The following KIAA1586 variants were observed in gnomAD, a reference collection of about 807,000 sequenced individuals.
KIAA1586 encodes the protein KIAA1586.
A neutral mutation model predicts 6.1 loss-of-function variants in KIAA1586; 5 were observed. The ratio of observed to expected loss-of-function variants is 0.82; its 90% CI spans 0.43 to 1.73. The LOEUF is 1.73. Ranked by LOEUF, KIAA1586 falls within the 40% of genes most tolerant of loss-of-function variation. The pLI, the probability that KIAA1586 is intolerant of heterozygous loss-of-function variation, is 0.02. For missense variants in KIAA1586, 899 were observed against 878.2 expected (o/e 1.02, Z -0.30); for synonymous variants, 280 against 301.7 (o/e 0.93, Z 0.75).
chr6:57,064,633 G>T, the KIAA1586 span, among the ~76,000 whole-genome samples: 4 of 152,178 alleles, frequency 2.6e-5, no homozygotes, highest in African/African-American at 7.2e-5. Context: ...GAGTTTCCTG[G>T]ACCAGCAGTT....
At position 57,055,096 on chromosome 6, in the gene KIAA1586, C is replaced by T. The variant is rs1365509223; in HGVS notation, c.*233C>T. On this transcript the variant is annotated 3_prime_UTR_variant, in exon 4 of 4. Coordinates refer to ENST00000370733, the MANE Select transcript of KIAA1586 (RefSeq NM_020931.4). ...AATACATATTCCATGAAGTTCTGTA[C>T]AGAACAAACACCGTTTATAATTTTG... The T allele has an allele frequency of 8.9e-6, 3 of 337,616 alleles. 1 individual carries two copies. Among genetic ancestry groups the T allele is most frequent in the Non-Finnish European group, 1.6e-5 (3 of 187,680 alleles). 20.9% of individuals were successfully genotyped at this position (337,616 alleles called of 1,614,324 possible).
chr6:57,061,118 C>T, the KIAA1586 span, among the ~76,000 whole-genome samples: 3 of 151,930 alleles, frequency 2.0e-5, no homozygotes, highest in Admixed American at 1.3e-4. Context: ...GCTGGGATTA[C>T]AGGCACGTGC....
intron 1 of KIAA1586, 77 bp from the exon 2 acceptor site, chr6:57,047,236 A>G: frequency 2.9e-5 from 1 of 34,438 alleles, no homozygotes; most frequent in South Asian, 2.2e-4. Flanking sequence ...TCTGTCTTTA[A>G]TTGTTCCTTT....
In KIAA1586 at chr6:57,054,023, T is replaced by C. The variant is rs1305556349; in HGVS notation, c.1524T>C (p.His508=). Residue 508 remains histidine (H), a synonymous_variant, in exon 4 of 4, where the codon CAT becomes CAC. Transcript: ENST00000370733. The part of the protein sequence containing the change: ...AYPILYMHFS[H]SYSGLAKRLA... ...CTATATTATATATGCATTTTTCTCA[T>C]TCTTACTCTGGTTTGGCGAAGAGAT... 6.2e-7 allele frequency: 1 copy of C among 1,610,504 alleles called. No individual in the cohort carries two copies. The highest frequency in any genetic ancestry group is 8.5e-7 in the Non-Finnish European group (1 of 1,178,526).
At chr6:57,052,183 G>T (rs1473541836) in intron 3 of KIAA1586, among the ~76,000 whole-genome samples, 3 of 152,088 alleles carry the variant, frequency 2.0e-5, no homozygotes, top group Admixed American at 1.3e-4. Flanking sequence ...CCCAACTGTA[G>T]ATGGAAAATA....
downstream of KIAA1586, among the ~76,000 whole-genome samples, chr6:57,056,246 A>G (rs1424110195): frequency 1.3e-5 from 2 of 150,508 alleles, no homozygotes; most frequent in Non-Finnish European, 2.9e-5. Context: ...GTCTTGTGTC[A>G]CCCAGGCTGG....
At chr6:57,051,996 C>T (rs914574568) in intron 3 of KIAA1586, among the ~76,000 whole-genome samples, 1 of 152,064 alleles carries the variant, frequency 6.6e-6, no homozygotes, top group Non-Finnish European at 1.5e-5. Context: ...TTTTTTTAAA[C>T]TCTTCATTAG....
chr6:57,051,402 G>A (rs1828321877), intron 3 of KIAA1586, among the ~76,000 whole-genome samples: 1 of 151,510 alleles, frequency 6.6e-6, no homozygotes, highest in South Asian at 2.1e-4. Flanking sequence ...GTGCACTTGA[G>A]GTTATTTGCA....
chr6:57,056,751 T>G (rs1408417881), downstream of KIAA1586, among the ~76,000 whole-genome samples: 3 of 151,868 alleles, frequency 2.0e-5, no homozygotes, highest in Non-Finnish European at 4.4e-5. Context: ...TTGCCCAGGT[T>G]GGTATTGGAC....
chr6:57,061,936 CTT>C, the KIAA1586 span, among the ~76,000 whole-genome samples: 11 of 136,536 alleles, frequency 8.1e-5, no homozygotes, highest in Admixed American at 1.5e-4. Context: ...CCTAGGTTTT[CTT>C]TTTTTTTTTT....
the KIAA1586 span, among the ~76,000 whole-genome samples, chr6:57,063,920 A>G: frequency 6.6e-6 from 1 of 152,168 alleles, no homozygotes; most frequent in South Asian, 2.1e-4. Context: ...TATTATATGT[A>G]CCTGAAACAA....
intron 3 of KIAA1586, among the ~76,000 whole-genome samples, chr6:57,052,220 A>G (rs951223232): frequency 1.3e-5 from 2 of 152,208 alleles, no homozygotes; most frequent in African/African-American, 4.8e-5. Context: ...AAATACAATA[A>G]TAAACACATT....
chr6:57,065,826 GT>G, the KIAA1586 span, among the ~76,000 whole-genome samples: 544 of 152,190 alleles, frequency 3.6e-3, 3 homozygotes, highest in East Asian at 0.024. Flanking sequence ...CTCCTCTGTA[GT>G]TTTTATCTTT....
At chr6:57,063,376 A>AAATCACAT in the KIAA1586 span, among the ~76,000 whole-genome samples, 2 of 152,100 alleles carry the variant, frequency 1.3e-5, no homozygotes, top group Non-Finnish European at 2.9e-5. Context: ...AGTATTTTTA[A>AAATCACAT]AATCACATGA....
At chr6:57,057,211 G>A (rs1339427791), downstream of KIAA1586, among the ~76,000 whole-genome samples, 2 of 151,078 alleles carry the variant, frequency 1.3e-5, no homozygotes, top group Non-Finnish European at 2.9e-5. Flanking sequence ...CTGGGCGACA[G>A]AGCGAGACTT....
At chr6:57,057,475 AG>A (rs1284655645), downstream of KIAA1586, among the ~76,000 whole-genome samples, 8 of 152,066 alleles carry the variant, frequency 5.3e-5, no homozygotes, top group Non-Finnish European at 7.4e-5. Context: ...ATTTATGGCC[AG>A]GTGCAGTGGT....
chr6:57,051,939 A>T (rs1247589792), intron 3 of KIAA1586, among the ~76,000 whole-genome samples: 1 of 152,124 alleles, frequency 6.6e-6, no homozygotes, highest in East Asian at 1.9e-4. Context: ...GCGCCACTGC[A>T]CTCCAGCTTG....
At chr6:57,063,850 G>A in the KIAA1586 span, among the ~76,000 whole-genome samples, 3 of 152,072 alleles carry the variant, frequency 2.0e-5, no homozygotes, top group East Asian at 1.9e-4. Flanking sequence ...CAAATATTTC[G>A]AGTACTATAA....
chr6:57,056,691 C>G (rs554256731), downstream of KIAA1586, among the ~76,000 whole-genome samples: 1 of 151,798 alleles, frequency 6.6e-6, no homozygotes, highest in Non-Finnish European at 1.5e-5. Context: ...TACATGCCAC[C>G]ACACCCAGCT....
Sources: gnomAD v4.1 joint callset for allele counts (sites outside exome capture counted in the v4.1 genomes callset) on GRCh38, gnomAD v4.1.1 for gene constraint, MANE v1.5 for transcripts, NCBI Gene and HGNC (gene_info 2026-07-23, HGNC 2026-07-21) for gene names.